PREX1: variants seen among roughly 807,000 people sequenced by gnomAD.
PREX1 encodes phosphatidylinositol-3,4,5-trisphosphate dependent Rac exchange factor 1, also known as phosphatidylinositol 3,4,5-trisphosphate-dependent Rac exchanger 1 protein.
In PREX1, 41 loss-of-function variants were observed where a neutral mutation model predicts 198.3. That is an observed-to-expected ratio of 0.21 (90% CI 0.16 to 0.27). PREX1 has a LOEUF of 0.27. Ranked by LOEUF, PREX1 falls within the 10% of genes least tolerant of loss-of-function variation. The pLI, the probability that PREX1 is intolerant of heterozygous loss-of-function variation, is 1.00. For synonymous variants in PREX1, 843 were observed against 887.2 expected (o/e 0.95, Z 0.89); for missense variants, 1,620 against 2,200.7 (o/e 0.74, Z 5.28).
the PREX1 span, among the ~76,000 whole-genome samples, chr20:48,875,619 A>T: frequency 1.3e-5 from 2 of 152,172 alleles, no homozygotes; most frequent in African/African-American, 4.8e-5. Context: ...ATGCAGCTAA[A>T]CATTCAAGTT....
At chr20:48,650,773 C>T (rs1316548236) in intron 23 of PREX1, 121 bp downstream of exon 23, 6 of 1,273,776 alleles carry the variant, frequency 4.7e-6, no homozygotes, top group African/African-American at 3.0e-5. Context: ...ACACACCATA[C>T]ATTCTCCTGT....
chr20:48,714,161 G>T (rs748057601), intron 5 of PREX1, among the ~76,000 whole-genome samples: 1 of 152,170 alleles, frequency 6.6e-6, no homozygotes, highest in Non-Finnish European at 1.5e-5. Flanking sequence ...TAAACCCCTT[G>T]TGACCTTAAG....
At chr20:48,820,564 G>A (rs1361551612) in intron 1 of PREX1, among the ~76,000 whole-genome samples, 4 of 152,230 alleles carry the variant, frequency 2.6e-5, no homozygotes, top group African/African-American at 7.2e-5. Context: ...ACACAGGCAT[G>A]CTAATGCCCC....
intron 21 of PREX1, among the ~76,000 whole-genome samples, chr20:48,651,826 CG>C (rs2089500571): frequency 6.6e-6 from 1 of 152,182 alleles, no homozygotes; most frequent in African/African-American, 2.4e-5. Context: ...AGGGAGCCAT[CG>C]GAAGGTTCTC....
intron 1 of PREX1, among the ~76,000 whole-genome samples, chr20:48,809,145 T>C (rs2090424251): frequency 1.3e-5 from 2 of 152,300 alleles, no homozygotes; most frequent in Admixed American, 6.5e-5. Context: ...ACCAGTGTTA[T>C]AATGACATCC....
rs1453992436 is a variant in PREX1 at position 48,700,802 on chromosome 20, C to T, written c.868G>A (p.Ala290Thr). The change falls in exon 7 of 40, where the codon GCC becomes ACC. Residue 290 changes from alanine to threonine, a missense_variant. Ala to Thr is a moderately conservative substitution (Grantham distance 58, BLOSUM62 0). Around this residue, in one of 7 missense-constraint regions of PREX1, gnomAD observed 488 missense variants for 802.5 expected, o/e 0.61. Coordinates refer to ENST00000371941, the MANE Select transcript of PREX1 (RefSeq NM_020820.4). The stretch of plus-strand genomic sequence containing the variant: ...AGAAGGTTGTCGAAGAGGAAGAAGG[C>T]CCTTTCCTGGATGTTGCCCGCAGAG... ...KISAGNIQER[A>T]FFLFDNLLVY... 6.2e-7 allele frequency: 1 copy of T among 1,613,998 alleles called. No homozygotes were observed. The highest frequency in any genetic ancestry group is 1.7e-5 in the Admixed American group (1 of 60,016).
chr20:48,683,603 T>C (rs778221243), intron 10 of PREX1, among the ~76,000 whole-genome samples: 2 of 152,194 alleles, frequency 1.3e-5, no homozygotes, highest in Non-Finnish European at 2.9e-5. Flanking sequence ...AGGAGGAGAC[T>C]GTGCAGAACC....
chr20:48,839,964 T>C, the PREX1 span, among the ~76,000 whole-genome samples: 3 of 152,214 alleles, frequency 2.0e-5, no homozygotes, highest in Admixed American at 2.0e-4. Context: ...TCCATTACAT[T>C]TGACCCTTTA....
At chr20:48,727,001 T>C (rs2090013567) in intron 4 of PREX1, among the ~76,000 whole-genome samples, 1 of 152,212 alleles carries the variant, frequency 6.6e-6, no homozygotes, top group Non-Finnish European at 1.5e-5. Flanking sequence ...GAAAGAAGGA[T>C]ATGTACAGTA....
Position 48,820,887 on chromosome 20 carries a change from A to G in PREX1, c.219+6755T>C, listed in dbSNP as rs146391295. ...CAGACCAACGCTAGGGCCAGAAATG[A>G]CCCCGTGAAACCTCTTCAAGAGGGA... On this transcript the variant is annotated intron_variant, in intron 1 of 39. Transcript: ENST00000371941. 1.1e-4 allele frequency among the ~76,000 whole-genome samples: 16 copies of G among 152,220 alleles called. No individual in the cohort carries two copies. The East Asian group carries it at 3.1e-3, about 29-fold the overall frequency.
intron 1 of PREX1, among the ~76,000 whole-genome samples, chr20:48,749,011 G>A (rs996652820): frequency 6.6e-6 from 1 of 152,176 alleles, no homozygotes; most frequent in African/African-American, 2.4e-5. Context: ...CGGTGGCCTG[G>A]CACCAGGTGG....
At position 48,625,130 on chromosome 20, in the gene PREX1, C is replaced by T. The variant is rs1368624625; in HGVS notation, c.*755G>A. 6.6e-6 allele frequency: 1 copy of T among 152,500 alleles called. No individual in the cohort carries two copies. Among genetic ancestry groups the T allele is most frequent in the Non-Finnish European group, 1.5e-5 (1 of 68,012 alleles). 9.4% of individuals were successfully genotyped at this position (152,500 alleles called of 1,614,324 possible). On this transcript the variant is annotated 3_prime_UTR_variant, in exon 40 of 40. Coordinates refer to ENST00000371941, the MANE Select transcript of PREX1 (RefSeq NM_020820.4). ...TGTTGGTCCCCTGTTAGACAACATA[C>T]CTTTCTTTGAAATGTAAAATGTCAA...
intron 1 of PREX1, among the ~76,000 whole-genome samples, chr20:48,777,141 GC>G: frequency 6.6e-6 from 1 of 152,148 alleles, no homozygotes; most frequent in South Asian, 2.1e-4. Context: ...GAGGTAAGTG[GC>G]CCACAAAGGC....
the PREX1 span, among the ~76,000 whole-genome samples, chr20:48,839,032 T>C: frequency 1.6e-4 from 21 of 131,994 alleles, no homozygotes; most frequent in Admixed American, 7.6e-4. Flanking sequence ...CAAGGAAATA[T>C]ATTTTAAAAT....
chr20:48,711,274 A>C (rs577405782), intron 5 of PREX1, among the ~76,000 whole-genome samples: 1 of 152,096 alleles, frequency 6.6e-6, no homozygotes, highest in Non-Finnish European at 1.5e-5. Flanking sequence ...ACACTCCCCT[A>C]AGCCATCAGC....
the PREX1 span, among the ~76,000 whole-genome samples, chr20:48,877,317 G>A: frequency 0.98 from 149,774 of 152,270 alleles, 73,660 homozygotes; most frequent in East Asian, 1. Context: ...ATTAACTCAC[G>A]GAATAGAGAA....
intron 10 of PREX1, among the ~76,000 whole-genome samples, chr20:48,685,700 G>C (rs541734001): frequency 6.6e-6 from 1 of 152,246 alleles, no homozygotes; most frequent in Non-Finnish European, 1.5e-5. Flanking sequence ...GCCAAGGCGA[G>C]AGCATTTGCA....
At chr20:48,807,147 G>A (rs1156919850) in intron 1 of PREX1, among the ~76,000 whole-genome samples, 1 of 152,138 alleles carries the variant, frequency 6.6e-6, no homozygotes, top group East Asian at 1.9e-4. Flanking sequence ...ATTAGAACTA[G>A]TGTAGCAATG....
At chr20:48,845,906 CA>C in the PREX1 span, among the ~76,000 whole-genome samples, 1 of 152,046 alleles carries the variant, frequency 6.6e-6, no homozygotes, top group African/African-American at 2.4e-5. Flanking sequence ...GGAATTTAAA[CA>C]AGGATGTAAC....
Sources: allele counts gnomAD v4.1 joint callset (sites outside exome capture counted in the v4.1 genomes callset), GRCh38; gene constraint gnomAD v4.1.1; regional missense constraint gnomAD v4.1.1; transcripts MANE v1.5; gene names NCBI Gene and HGNC (gene_info 2026-07-23, HGNC 2026-07-21).